The following ASH1L variants were observed in gnomAD, a reference collection of about 807,000 sequenced individuals.
ASH1L encodes ASH1 like histone lysine methyltransferase.
ASH1L carries 23 observed loss-of-function variants against 269.0 expected under a neutral mutation model. The ratio of observed to expected loss-of-function variants is 0.09; its 90% CI spans 0.06 to 0.12. The LOEUF is 0.12. Ranked by LOEUF, ASH1L falls within the 10% of genes least tolerant of loss-of-function variation. The probability of loss-of-function intolerance (pLI) is 1.00; values close to 1 mark genes in which losing one functional copy is unlikely to be tolerated. For synonymous variants in ASH1L, 1,187 were observed against 1,253.5 expected, an observed-to-expected ratio of 0.95 and a Z score of 1.12; for missense variants, 2,912 against 3,567.8, an observed-to-expected ratio of 0.82 and a Z score of 4.68.
chr1:155,462,330 T>C (rs1300869420), intron 3 of ASH1L, among the ~76,000 whole-genome samples: 1 of 152,238 alleles, frequency 6.6e-6, no homozygotes, highest in African/African-American at 2.4e-5. Flanking sequence ...TCTTCAGTTC[T>C]TAGGCTATTT....
At chr1:155,503,858 G>T (rs1571003459) in intron 2 of ASH1L, among the ~76,000 whole-genome samples, 1 of 152,280 alleles carries the variant, frequency 6.6e-6, no homozygotes, top group East Asian at 1.9e-4. Flanking sequence ...CTGAGTAGCT[G>T]GGACAACAGG....
intron 25 of ASH1L, among the ~76,000 whole-genome samples, chr1:155,339,712 G>A (rs1483086315): frequency 2.6e-5 from 4 of 151,980 alleles, no homozygotes; most frequent in Non-Finnish European, 5.9e-5. Flanking sequence ...GCATCCTTAC[G>A]CAAACCTAGA....
intron 1 of ASH1L, among the ~76,000 whole-genome samples, chr1:155,531,831 G>A (rs901462979): frequency 2.6e-5 from 4 of 152,130 alleles, no homozygotes; most frequent in Non-Finnish European, 4.4e-5. Context: ...CCCAAATTCT[G>A]AAGATATTTC....
intron 3 of ASH1L, among the ~76,000 whole-genome samples, chr1:155,468,351 C>T (rs903421649): frequency 1.3e-5 from 2 of 151,926 alleles, no homozygotes; most frequent in African/African-American, 2.4e-5. Context: ...GGCCTCTTCA[C>T]TGTAAAGTTA....
chr1:155,451,614 G>T (rs1490230870), intron 4 of ASH1L, among the ~76,000 whole-genome samples: 1 of 152,084 alleles, frequency 6.6e-6, no homozygotes, highest in African/African-American at 2.4e-5. Flanking sequence ...ACAAAAATTG[G>T]CTGGCGTGGT....
chr1:155,553,865 C>T (rs906737928), intron 1 of ASH1L, among the ~76,000 whole-genome samples: 2 of 150,940 alleles, frequency 1.3e-5, no homozygotes, highest in Non-Finnish European at 1.5e-5. Context: ...GGCAAGATCT[C>T]GGCTCACCGC....
rs186799230 is a variant in ASH1L, at chr1:155,393,624, G to A, written c.6103+1835C>T. On this transcript the variant is annotated intron_variant, in intron 7 of 27. Coordinates refer to ENST00000392403, the MANE Select transcript of ASH1L (RefSeq NM_018489.3). The stretch of plus-strand genomic sequence containing the variant: ...GGCTGGAGTGCAGTGGTGCAATCTC[G>A]GCTCACTGCACACTCCGCCTCCTGG... 1.0e-3 allele frequency among the ~76,000 whole-genome samples: 151 copies of A among 150,178 alleles called. 1 individual carries two copies. The East Asian group carries it at 0.027, about 26-fold the overall frequency.
chr1:155,399,568 G>C (rs1658655087), intron 6 of ASH1L, among the ~76,000 whole-genome samples: 1 of 151,988 alleles, frequency 6.6e-6, no homozygotes, highest in South Asian at 2.1e-4. Flanking sequence ...GAACACAGGA[G>C]ACAGAGGTTG....
intron 2 of ASH1L, among the ~76,000 whole-genome samples, chr1:155,516,157 A>T (rs1434904793): frequency 6.6e-6 from 1 of 152,146 alleles, no homozygotes; most frequent in African/African-American, 2.4e-5. Context: ...GCTTGACCAC[A>T]TTCAAAACAC....
chr1:155,551,281 G>C (rs1343963436), intron 1 of ASH1L, among the ~76,000 whole-genome samples: 1 of 151,748 alleles, frequency 6.6e-6, no homozygotes, highest in Admixed American at 6.6e-5. Flanking sequence ...TTCCTCGGGG[G>C]GGAAAAATTT....
At chr1:155,547,916 C>G (rs1179229869) in intron 1 of ASH1L, among the ~76,000 whole-genome samples, 1 of 152,132 alleles carries the variant, frequency 6.6e-6, no homozygotes, top group Non-Finnish European at 1.5e-5. Flanking sequence ...GTGGATCTTG[C>G]AGTAAGCCGA....
rs575941055 is a variant in ASH1L at position 155,463,389 on chromosome 1, G to T, written c.4985-3491C>A. ...AATAAAGCTAAGTTACAGCATTGTT[G>T]TGAGTCCCAAAACGAGATAATGTAA... On this transcript the variant is annotated intron_variant, in intron 3 of 27. Coordinates refer to ENST00000392403, the MANE Select transcript of ASH1L (RefSeq NM_018489.3). 1.9e-4 allele frequency among the ~76,000 whole-genome samples: 29 copies of T among 152,236 alleles called. No homozygotes were observed. In the East Asian group the frequency reaches 4.0e-3, roughly 21 times the overall value.
intron 5 of ASH1L, among the ~76,000 whole-genome samples, chr1:155,426,403 G>A (rs750937591): frequency 5.3e-5 from 8 of 152,008 alleles, no homozygotes; most frequent in African/African-American, 1.4e-4. Context: ...GGGTTTCACC[G>A]TGTTAGCCAG....
chr1:155,427,157 C>CAG (rs774754560), intron 5 of ASH1L, among the ~76,000 whole-genome samples: 2 of 127,256 alleles, frequency 1.6e-5, no homozygotes, highest in Non-Finnish European at 3.2e-5. Context: ...TTTTTTGAGA[C>CAG]AGAGTCTCGC....
intron 2 of ASH1L, among the ~76,000 whole-genome samples, chr1:155,498,041 C>A (rs1401003257): frequency 6.6e-6 from 1 of 152,120 alleles, no homozygotes; most frequent in Non-Finnish European, 1.5e-5. Flanking sequence ...CGTGAGCCAC[C>A]ACGCCCGGCC....
At chr1:155,397,469 C>T (rs1658460783) in intron 6 of ASH1L, among the ~76,000 whole-genome samples, 3 of 150,750 alleles carry the variant, frequency 2.0e-5, no homozygotes, top group Non-Finnish European at 4.4e-5. Context: ...TGTACTACAG[C>T]CTAGACAACA....
At chr1:155,492,967 G>A (rs1252453219) in intron 2 of ASH1L, among the ~76,000 whole-genome samples, 1 of 151,970 alleles carries the variant, frequency 6.6e-6, no homozygotes, top group East Asian at 1.9e-4. Context: ...GGGATCACAG[G>A]AATGCAACAC....
In ASH1L at chr1:155,377,400, T is replaced by C. The variant is rs116323375; in HGVS notation, c.6332+881A>G. 4.7e-3 allele frequency among the ~76,000 whole-genome samples: 714 copies of C among 152,214 alleles called. 5 individuals are homozygous for C. Among genetic ancestry groups the C allele is most frequent in the African/African-American group, 0.016 (671 of 41,546 alleles). ...TTCTGCTTCCTCATTGTGGCAACCA[T>C]ATATTGAGAGCTAGGAAGGTACCTA... On this transcript the variant is annotated intron_variant, in intron 10 of 27. Transcript: ENST00000392403.
chr1:155,350,270 C>T (rs541603067), intron 17 of ASH1L, among the ~76,000 whole-genome samples: 2 of 152,166 alleles, frequency 1.3e-5, no homozygotes, highest in South Asian at 4.1e-4. Flanking sequence ...GATTCACCTG[C>T]CTCGGCCTCC....
Sources: gnomAD v4.1 joint callset for allele counts (sites outside exome capture counted in the v4.1 genomes callset) on GRCh38, gnomAD v4.1.1 for gene constraint, MANE v1.5 for transcripts, NCBI Gene and HGNC (gene_info 2026-07-23, HGNC 2026-07-21) for gene names.